HDAC9: variants seen among roughly 807,000 people sequenced by gnomAD.
HDAC9 encodes histone deacetylase 9, also known as MEF-2 interacting transcription repressor (MITR) protein.
A neutral mutation model predicts 139.4 loss-of-function variants in HDAC9; 41 were observed. That is an observed-to-expected ratio of 0.29 (90% CI 0.23 to 0.38). The LOEUF is 0.38. HDAC9 is among the 10% of genes least tolerant of loss of function. The probability of loss-of-function intolerance (pLI) is 1.00; values close to 1 mark genes in which losing one functional copy is unlikely to be tolerated. For missense variants in HDAC9, 1,147 were observed against 1,297.0 expected (o/e 0.88, Z 1.78); for synonymous variants, 517 against 476.2 (o/e 1.09, Z -1.12).
chr7:18,920,019 T>C (rs1803552623), intron 22 of HDAC9, among the ~76,000 whole-genome samples: 1 of 152,142 alleles, frequency 6.6e-6, no homozygotes, highest in Non-Finnish European at 1.5e-5. Flanking sequence ...CGTGGTTTTT[T>C]CCAATTCTGT....
intron 1 of HDAC9, among the ~76,000 whole-genome samples, chr7:18,452,833 G>A (rs1383028480): frequency 6.6e-6 from 1 of 152,144 alleles, no homozygotes; most frequent in Admixed American, 6.6e-5. Context: ...CCCCATCCAT[G>A]TGGAACTGTG....
At position 18,149,579 on chromosome 7, in the gene HDAC9, C is replaced by T. The variant is rs62449102; in HGVS notation, c.-96-12650C>T. Among the ~76,000 whole-genome samples the T allele has an allele frequency of 4.6e-3, 695 of 151,634 alleles. 2 individuals carry two copies. Among genetic ancestry groups the T allele is most frequent in the Admixed American group, 1.0e-2 (152 of 15,218 alleles). On this transcript the variant is annotated intron_variant, in intron 1 of 12. Transcript: ENST00000417496. ...TTATTATTTTTTTTTGAGACAGAGT[C>T]TCAGTCTGTCGCCCAGGCTGGAGTG...
intron 2 of HDAC9, among the ~76,000 whole-genome samples, chr7:18,167,519 G>A (rs932069072): frequency 6.6e-6 from 1 of 152,068 alleles, no homozygotes; most frequent in African/African-American, 2.4e-5. Flanking sequence ...AACAGAAAAG[G>A]TTATTTCTCG....
At chr7:18,524,863 T>TACAC (rs57123600) in intron 2 of HDAC9, among the ~76,000 whole-genome samples, 6,982 of 127,654 alleles carry the variant, frequency 0.055, 157 homozygotes, top group Middle Eastern at 0.063. Context: ...CTTAGTGACA[T>TACAC]ACACACACAC....
chr7:18,327,829 G>T (rs571871805), intron 1 of HDAC9: 1 of 151,576 alleles, frequency 6.6e-6, no homozygotes, highest in Admixed American at 6.6e-5. Flanking sequence ...CAATTTTTTG[G>T]TTATTTTAAT....
chr7:18,761,842 GC>G (rs1399603573), intron 14 of HDAC9, among the ~76,000 whole-genome samples: 1 of 152,146 alleles, frequency 6.6e-6, no homozygotes, highest in African/African-American at 2.4e-5. Context: ...CTAAATAGTA[GC>G]CCTGTTGGTT....
chr7:18,690,671 C>T (rs1445152584), intron 12 of HDAC9, among the ~76,000 whole-genome samples: 1 of 151,844 alleles, frequency 6.6e-6, no homozygotes, highest in African/African-American at 2.4e-5. Context: ...ACACATTGTG[C>T]ATGAATTTAT....
intron 2 of HDAC9, among the ~76,000 whole-genome samples, chr7:18,260,152 T>C (rs902467472): frequency 6.6e-6 from 1 of 152,184 alleles, no homozygotes; most frequent in Admixed American, 6.5e-5. Context: ...TCTAGCAACC[T>C]GTGCCTTTAT....
At chr7:18,916,996 T>A (rs1803266772) in intron 22 of HDAC9, among the ~76,000 whole-genome samples, 1 of 151,956 alleles carries the variant, frequency 6.6e-6, no homozygotes, top group South Asian at 2.1e-4. Context: ...GAGTCCACAT[T>A]TTATTGATGT....
intron 22 of HDAC9, among the ~76,000 whole-genome samples, chr7:18,917,766 A>G (rs778958515): frequency 1.3e-5 from 2 of 152,138 alleles, no homozygotes; most frequent in Non-Finnish European, 2.9e-5. Flanking sequence ...GACTCAGGGA[A>G]ATTAAAAATA....
At chr7:18,949,084 GT>G (rs1001530788) in intron 23 of HDAC9, 21 of 338,278 alleles carry the variant, frequency 6.2e-5, no homozygotes, top group South Asian at 1.0e-4. Context: ...TTTTGGGAGG[GT>G]TTTTTTTCTG....
intron 1 of HDAC9, among the ~76,000 whole-genome samples, chr7:18,141,174 T>C (rs1785874167): frequency 6.6e-6 from 1 of 152,222 alleles, no homozygotes; most frequent in Non-Finnish European, 1.5e-5. Flanking sequence ...AAGTAAACTG[T>C]ATTGTTCCCT....
intron 1 of HDAC9, among the ~76,000 whole-genome samples, chr7:18,092,251 G>T (rs78735034): frequency 6.6e-6 from 1 of 151,972 alleles, no homozygotes; most frequent in African/African-American, 2.4e-5. Context: ...TTACCTGAAC[G>T]TGATGGTGTG....
intron 2 of HDAC9, among the ~76,000 whole-genome samples, chr7:18,554,310 A>C (rs1427827174): frequency 6.7e-6 from 1 of 150,282 alleles, no homozygotes; most frequent in Non-Finnish European, 1.5e-5. Flanking sequence ...GTGTACACCA[A>C]CTGGTATTAC....
chr7:18,848,246 A>G (rs1797039114), intron 21 of HDAC9, among the ~76,000 whole-genome samples: 1 of 152,134 alleles, frequency 6.6e-6, no homozygotes, highest in Non-Finnish European at 1.5e-5. Flanking sequence ...TGAACATGAT[A>G]TCAGCTCTGA....
chr7:18,232,603 T>A (rs1010479761), intron 2 of HDAC9, among the ~76,000 whole-genome samples: 5 of 152,230 alleles, frequency 3.3e-5, no homozygotes, highest in Non-Finnish European at 7.3e-5. Flanking sequence ...AGGCATGGAT[T>A]CTAATGAATT....
chr7:18,183,040 C>T (rs1245640780), intron 2 of HDAC9, among the ~76,000 whole-genome samples: 6 of 148,652 alleles, frequency 4.0e-5, no homozygotes, highest in Non-Finnish European at 4.4e-5. Flanking sequence ...GACGGAGTCT[C>T]ACTCTGTTGC....
chr7:18,737,776 C>T (rs964234565), intron 13 of HDAC9, among the ~76,000 whole-genome samples: 39 of 152,104 alleles, frequency 2.6e-4, no homozygotes, highest in African/African-American at 8.4e-4. Flanking sequence ...CTATTAGGTC[C>T]GCTTGGTGCA....
chr7:18,459,514 G>A (rs1793648709), intron 1 of HDAC9, among the ~76,000 whole-genome samples: 1 of 151,822 alleles, frequency 6.6e-6, no homozygotes, highest in Non-Finnish European at 1.5e-5. Context: ...TTTATAACAG[G>A]TAATGTAAGC....
Sources: gnomAD v4.1 joint callset for allele counts (sites outside exome capture counted in the v4.1 genomes callset) on GRCh38, gnomAD v4.1.1 for gene constraint, MANE v1.5 for transcripts, NCBI Gene and HGNC (gene_info 2026-07-23, HGNC 2026-07-21) for gene names.